BMPR1B: variants seen among roughly 807,000 people sequenced by gnomAD.
The protein encoded by BMPR1B is bone morphogenetic protein receptor type 1B.
In BMPR1B, 12 loss-of-function variants were observed where a neutral mutation model predicts 59.1. The observed-to-expected ratio is 0.20, with a 90% CI of 0.13 to 0.33. BMPR1B has a LOEUF of 0.33. BMPR1B is among the 10% of genes least tolerant of loss of function. The pLI is 1.00. For missense variants in BMPR1B, 550 were observed against 610.9 expected (o/e 0.90, Z 1.05); for synonymous variants, 237 against 207.3 (o/e 1.14, Z -1.23).
chr4:95,130,723 C>CTTTTTTTTTTT (rs148720302), intron 9 of BMPR1B, among the ~76,000 whole-genome samples: 77 of 77,940 alleles, frequency 9.9e-4, no homozygotes, highest in Middle Eastern at 0.014. Flanking sequence ...CTTTTCTTTT[C>CTTTTTTTTTTT]TTTTTTTTTT....
chr4:95,026,067 C>T (rs1033381533), intron 3 of BMPR1B, among the ~76,000 whole-genome samples: 1 of 138,286 alleles, frequency 7.2e-6, no homozygotes, highest in African/African-American at 2.6e-5. Flanking sequence ...TTTTATACCA[C>T]CATGCTTGGC....
chr4:95,121,537 G>C (rs1732528241), intron 6 of BMPR1B, among the ~76,000 whole-genome samples: 1 of 152,002 alleles, frequency 6.6e-6, no homozygotes, highest in Admixed American at 6.6e-5. Flanking sequence ...AAATAATACA[G>C]ACACACAAAT....
chr4:94,825,417 A>G (rs867798143), intron 1 of BMPR1B, among the ~76,000 whole-genome samples: 2 of 152,146 alleles, frequency 1.3e-5, no homozygotes, highest in South Asian at 4.1e-4. Flanking sequence ...AGGTGAGAGG[A>G]TCCCTTGAGC....
rs1243997047 is a variant in BMPR1B, at chr4:95,157,696, A to G, written c.*3023A>G. The G allele has an allele frequency of 6.6e-6, 1 of 151,836 alleles. No individual in the cohort carries two copies. The highest frequency in any genetic ancestry group is 1.5e-5 in the Non-Finnish European group (1 of 67,958). 9.4% of individuals were successfully genotyped at this position (151,836 alleles called of 1,614,324 possible). A position where few individuals can be genotyped will look rare whatever the true frequency, so the allele number is the denominator to read the frequency against. On this transcript the variant is annotated 3_prime_UTR_variant, in exon 13 of 13. Transcript: ENST00000515059. ...CACAACTCCATTATGTGGATTAGAG[A>G]GTAAGATATTATGGATGATAAAGTA...
chr4:95,100,739 G>A (rs940954236), intron 3 of BMPR1B, among the ~76,000 whole-genome samples: 1 of 152,048 alleles, frequency 6.6e-6, no homozygotes, highest in Non-Finnish European at 1.5e-5. Flanking sequence ...GTACTGTGTT[G>A]TAGATTTCCT....
chr4:95,026,114 CT>C (rs1560602925), intron 3 of BMPR1B, among the ~76,000 whole-genome samples: 47 of 142,622 alleles, frequency 3.3e-4, no homozygotes, highest in South Asian at 4.6e-4. Context: ...TTCTTTCTTT[CT>C]TTCTTTCTTT....
chr4:95,092,746 A>C (rs903434575), intron 3 of BMPR1B, among the ~76,000 whole-genome samples: 13 of 151,616 alleles, frequency 8.6e-5, no homozygotes, highest in Non-Finnish European at 1.5e-5. Context: ...AATAGCACAA[A>C]CACGGTGATT....
At chr4:95,040,638 A>G (rs887864626) in intron 3 of BMPR1B, among the ~76,000 whole-genome samples, 1 of 152,218 alleles carries the variant, frequency 6.6e-6, no homozygotes, top group African/African-American at 2.4e-5. Flanking sequence ...TATTAGCTCA[A>G]TGGTTCATGG....
intron 1 of BMPR1B, among the ~76,000 whole-genome samples, chr4:94,853,201 T>G (rs562532027): frequency 5.0e-4 from 76 of 152,270 alleles, no homozygotes; most frequent in African/African-American, 1.8e-3. Context: ...ATTTACTAAA[T>G]TTTTCATAAC....
intron 1 of BMPR1B, among the ~76,000 whole-genome samples, chr4:94,819,785 T>C (rs1163163333): frequency 2.0e-5 from 3 of 152,234 alleles, no homozygotes; most frequent in African/African-American, 4.8e-5. Context: ...ATGAACCTTT[T>C]AACAAGGAGC....
chr4:94,992,102 C>G (rs1721794540), intron 2 of BMPR1B, among the ~76,000 whole-genome samples: 1 of 152,188 alleles, frequency 6.6e-6, no homozygotes, highest in African/African-American at 2.4e-5. Flanking sequence ...GAGACCCAGC[C>G]ACTCAGAGAA....
At chr4:95,061,567 A>G (rs1401727338) in intron 3 of BMPR1B, among the ~76,000 whole-genome samples, 1 of 152,206 alleles carries the variant, frequency 6.6e-6, no homozygotes, top group East Asian at 1.9e-4. Context: ...AGACCTGGTT[A>G]ATTTTTATTA....
intron 1 of BMPR1B, among the ~76,000 whole-genome samples, chr4:94,823,718 G>A (rs1284481736): frequency 2.0e-5 from 3 of 150,660 alleles, no homozygotes; most frequent in African/African-American, 7.3e-5. Flanking sequence ...GCAGCCTACA[G>A]ATTGAAGAAT....
At chr4:94,966,351 A>G (rs1730556419) in intron 2 of BMPR1B, among the ~76,000 whole-genome samples, 2 of 152,186 alleles carry the variant, frequency 1.3e-5, no homozygotes, top group South Asian at 4.1e-4. Flanking sequence ...GCTTTTCTCT[A>G]AAAATTATCA....
intron 2 of BMPR1B, among the ~76,000 whole-genome samples, chr4:94,884,929 G>C (rs1727114229): frequency 6.6e-6 from 1 of 152,166 alleles, no homozygotes; most frequent in Non-Finnish European, 1.5e-5. Context: ...AAGAGGTCTT[G>C]CTTGCTTCTG....
At chr4:94,783,926 T>C (rs182113686) in intron 1 of BMPR1B, among the ~76,000 whole-genome samples, 1 of 152,270 alleles carries the variant, frequency 6.6e-6, no homozygotes, top group East Asian at 1.9e-4. Context: ...AGCCCCATTT[T>C]CTTGGCCATA....
At chr4:94,789,993 A>G (rs1722915096) in intron 1 of BMPR1B, among the ~76,000 whole-genome samples, 1 of 152,138 alleles carries the variant, frequency 6.6e-6, no homozygotes, top group Admixed American at 6.5e-5. Context: ...CTTCCACTCA[A>G]TGAGTAGTAA....
At chr4:94,909,853 G>A (rs1021032934) in intron 2 of BMPR1B, among the ~76,000 whole-genome samples, 1 of 151,982 alleles carries the variant, frequency 6.6e-6, no homozygotes, top group Non-Finnish European at 1.5e-5. Flanking sequence ...CCAGGTGGCT[G>A]TGGTTACATG....
At chr4:95,152,039 G>A (rs1735083684) in intron 11 of BMPR1B, among the ~76,000 whole-genome samples, 1 of 151,988 alleles carries the variant, frequency 6.6e-6, no homozygotes, top group African/African-American at 2.4e-5. Context: ...TAATAGTAAT[G>A]TATTCCTTAC....
Sources: allele counts gnomAD v4.1 joint callset (sites outside exome capture counted in the v4.1 genomes callset), GRCh38; gene constraint gnomAD v4.1.1; transcripts MANE v1.5; gene names NCBI Gene and HGNC (gene_info 2026-07-23, HGNC 2026-07-21).